Variants in SOBP observed in about 807,000 individuals in gnomAD.
SOBP encodes the protein sine oculis binding protein homolog.
In SOBP, 4 loss-of-function variants were observed where a neutral mutation model predicts 53.6. The observed-to-expected ratio is 0.07, with a 90% CI of 0.04 to 0.17. The LOEUF is 0.17. SOBP is among the 10% of genes least tolerant of loss of function. The probability of loss-of-function intolerance (pLI) is 1.00; values close to 1 mark genes in which losing one functional copy is unlikely to be tolerated. For synonymous variants in SOBP, 584 were observed against 522.6 expected, an observed-to-expected ratio of 1.12 and a Z score of -1.60; for missense variants, 1,088 against 1,204.7, an observed-to-expected ratio of 0.90 and a Z score of 1.43.
chr6:107,644,839 C>A (rs1458484078), intron 6 of SOBP, among the ~76,000 whole-genome samples: 1 of 152,160 alleles, frequency 6.6e-6, no homozygotes, highest in African/African-American at 2.4e-5. Context: ...TGGTTTTATC[C>A]AAACCCAAAT....
intron 4 of SOBP, among the ~76,000 whole-genome samples, chr6:107,540,757 G>A (rs75237307): frequency 4.1e-4 from 62 of 152,344 alleles, no homozygotes; most frequent in Non-Finnish European, 7.8e-4. Flanking sequence ...ATGTCCAGCA[G>A]TCACAACCTC....
At chr6:107,599,147 T>C (rs2115079716) in intron 5 of SOBP, among the ~76,000 whole-genome samples, 1 of 152,304 alleles carries the variant, frequency 6.6e-6, no homozygotes, top group Non-Finnish European at 1.5e-5. Context: ...TTCCTGGCTA[T>C]GTGGGTTACC....
chr6:107,639,872 C>A (rs1253033941), intron 6 of SOBP, among the ~76,000 whole-genome samples: 2 of 152,100 alleles, frequency 1.3e-5, no homozygotes, highest in Admixed American at 6.5e-5. Flanking sequence ...AAGGAGTAAC[C>A]CTTTCATCTC....
At chr6:107,550,369 G>A (rs368977293) in intron 4 of SOBP, among the ~76,000 whole-genome samples, 40 of 152,208 alleles carry the variant, frequency 2.6e-4, no homozygotes, top group African/African-American at 7.5e-4. Context: ...CTGTTTGAGC[G>A]TGTGAATTGT....
intron 4 of SOBP, among the ~76,000 whole-genome samples, chr6:107,540,600 C>G (rs532945895): frequency 1.3e-5 from 2 of 152,312 alleles, no homozygotes; most frequent in South Asian, 4.1e-4. Flanking sequence ...CTGGGCTCTG[C>G]TACAAGCTCT....
At chr6:107,593,814 A>G (rs1785845967) in intron 5 of SOBP, among the ~76,000 whole-genome samples, 1 of 152,180 alleles carries the variant, frequency 6.6e-6, no homozygotes, top group South Asian at 2.1e-4. Context: ...ACCTGTCTTT[A>G]TTCTTCAACT....
At chr6:107,581,918 T>C (rs1785415275) in intron 4 of SOBP, among the ~76,000 whole-genome samples, 1 of 152,228 alleles carries the variant, frequency 6.6e-6, no homozygotes, top group African/African-American at 2.4e-5. Flanking sequence ...ATGTGTGAGC[T>C]GACATGTGCT....
At chr6:107,631,399 A>T (rs959035426) in intron 5 of SOBP, among the ~76,000 whole-genome samples, 18 of 152,198 alleles carry the variant, frequency 1.2e-4, no homozygotes. Context: ...GTTTTATTTC[A>T]TAGTGGAATT....
chr6:107,606,282 G>A (rs1183459012), intron 5 of SOBP, among the ~76,000 whole-genome samples: 1 of 151,580 alleles, frequency 6.6e-6, no homozygotes, highest in Non-Finnish European at 1.5e-5. Context: ...TCACCATGTT[G>A]GCCAGGCTGG....
intron 5 of SOBP, among the ~76,000 whole-genome samples, chr6:107,594,156 T>C (rs1335613696): frequency 6.6e-6 from 1 of 152,172 alleles, no homozygotes; most frequent in Non-Finnish European, 1.5e-5. Context: ...TCACTGAATC[T>C]CTGTGTGTCT....
chr6:107,602,568 TAAA>T (rs71810335), intron 5 of SOBP, among the ~76,000 whole-genome samples: 3,590 of 102,744 alleles, frequency 0.035, 162 homozygotes, highest in East Asian at 0.22. Flanking sequence ...TAAGCCGCGT[TAAA>T]AAAAAAAAAA....
intron 6 of SOBP, among the ~76,000 whole-genome samples, chr6:107,641,578 C>A (rs1326588239): frequency 6.6e-6 from 1 of 152,070 alleles, no homozygotes; most frequent in East Asian, 1.9e-4. Context: ...TCCCTAGCTC[C>A]CCAGTATGCC....
chr6:107,603,418 C>T (rs1349389837), intron 5 of SOBP, among the ~76,000 whole-genome samples: 1 of 152,212 alleles, frequency 6.6e-6, no homozygotes, highest in East Asian at 1.9e-4. Context: ...ACGTTTGTGG[C>T]ATCTCATGGG....
chr6:107,573,037 A>G (rs1337003185), intron 4 of SOBP, among the ~76,000 whole-genome samples: 2 of 152,214 alleles, frequency 1.3e-5, no homozygotes. Context: ...TGCTCAGGAC[A>G]TACCAGGAGT....
chr6:107,576,473 C>G (rs994453539), intron 4 of SOBP, among the ~76,000 whole-genome samples: 2 of 152,158 alleles, frequency 1.3e-5, no homozygotes, highest in South Asian at 4.1e-4. Flanking sequence ...AGAGCAGTGA[C>G]CAGGGTGGGA....
intron 5 of SOBP, among the ~76,000 whole-genome samples, chr6:107,614,818 A>G (rs961840601): frequency 1.3e-5 from 2 of 152,244 alleles, no homozygotes; most frequent in Non-Finnish European, 2.9e-5. Context: ...AGGGAATTTG[A>G]TGTTGATCTA....
intron 6 of SOBP, among the ~76,000 whole-genome samples, chr6:107,640,520 A>G (rs766346464): frequency 6.6e-6 from 1 of 152,194 alleles, no homozygotes; most frequent in Non-Finnish European, 1.5e-5. Flanking sequence ...TCATGGACAC[A>G]TGTGAGTGGG....
intron 5 of SOBP, among the ~76,000 whole-genome samples, chr6:107,592,002 T>G (rs1374484317): frequency 6.7e-6 from 1 of 148,266 alleles, no homozygotes; most frequent in African/African-American, 2.5e-5. Flanking sequence ...TGTAAAATCT[T>G]TAGGATCCTT....
chr6:107,607,435 G>A (rs1786426217), intron 5 of SOBP, among the ~76,000 whole-genome samples: 1 of 152,210 alleles, frequency 6.6e-6, no homozygotes, highest in Non-Finnish European at 1.5e-5. Context: ...GGCCCCTCGT[G>A]CTTTGCTGCT....
Sources: allele counts gnomAD v4.1 joint callset (sites outside exome capture counted in the v4.1 genomes callset), GRCh38; gene constraint gnomAD v4.1.1; transcripts MANE v1.5; gene names NCBI Gene and HGNC (gene_info 2026-07-23, HGNC 2026-07-21).